AIG1: variants seen among roughly 807,000 people sequenced by gnomAD.
AIG1 encodes the protein androgen induced 1.
AIG1 carries 23 observed loss-of-function variants against 31.4 expected under a neutral mutation model. The observed-to-expected ratio is 0.73, with a 90% CI of 0.53 to 1.04. The LOEUF is 1.04. Ranked by LOEUF, AIG1 falls within the 50% of genes least tolerant of loss-of-function variation. AIG1 has a pLI of 0.00. For synonymous variants in AIG1, 100 were observed against 110.5 expected (o/e 0.90, Z 0.60); for missense variants, 274 against 295.0 (o/e 0.93, Z 0.52).
intron 2 of AIG1, among the ~76,000 whole-genome samples, chr6:143,154,486 G>A (rs915491564): frequency 6.6e-6 from 1 of 152,064 alleles, no homozygotes; most frequent in African/African-American, 2.4e-5. Flanking sequence ...GCCTCCCTGG[G>A]CGATAGAGTG....
rs559081008 is a variant in AIG1 at position 143,061,599 on chromosome 6, GT to G, written c.141+540del. 7.3e-3 allele frequency: 2,109 copies of G among 287,008 alleles called. 45 individuals carry two copies. The highest frequency in any genetic ancestry group is 0.042 in the African/African-American group (1,949 of 45,930). The allele number at this position is 287,008 out of a possible 1,614,324, so 17.8% of individuals were successfully genotyped here. ...TAATAAAGTTGTCTTCTTTGCATCT[GT>G]TTTTTTCCCCCATTGTCAATAATTT... On this transcript the variant is annotated intron_variant, in intron 1 of 5. Coordinates refer to ENST00000357847, the MANE Select transcript of AIG1 (RefSeq NM_016108.4).
chr6:143,129,818 G>A (rs1364936659), intron 1 of AIG1, among the ~76,000 whole-genome samples: 2 of 151,206 alleles, frequency 1.3e-5, no homozygotes, highest in African/African-American at 4.9e-5. Flanking sequence ...CTATTTTGAA[G>A]GTCTGATATT....
intron 4 of AIG1, among the ~76,000 whole-genome samples, chr6:143,296,222 A>C (rs1238630712): frequency 3.3e-5 from 5 of 152,150 alleles, no homozygotes; most frequent in Admixed American, 6.5e-5. Flanking sequence ...GATTCATTTA[A>C]ATTGCCAACT....
chr6:143,096,167 A>G (rs907050321), intron 1 of AIG1, among the ~76,000 whole-genome samples: 8 of 152,136 alleles, frequency 5.3e-5, no homozygotes, highest in African/African-American at 1.9e-4. Flanking sequence ...TGGCCTGCCA[A>G]AGTGCTGGGA....
intron 2 of AIG1, among the ~76,000 whole-genome samples, chr6:143,138,484 T>TTA (rs1467953179): frequency 6.6e-6 from 1 of 152,184 alleles, no homozygotes; most frequent in Non-Finnish European, 1.5e-5. Context: ...TGCATGTATA[T>TTA]TATATATATC....
At chr6:143,207,548 C>CT (rs1192416252) in intron 3 of AIG1, among the ~76,000 whole-genome samples, 43 of 150,114 alleles carry the variant, frequency 2.9e-4, no homozygotes, top group African/African-American at 9.6e-4. Context: ...ACACACACCC[C>CT]TACTCCTTCC....
chr6:143,157,707 C>T (rs1785933713), intron 2 of AIG1, among the ~76,000 whole-genome samples: 1 of 152,016 alleles, frequency 6.6e-6, no homozygotes, highest in South Asian at 2.1e-4. Context: ...AGTTCATTCA[C>T]CTTTATCCTC....
At chr6:143,226,658 T>C (rs1246955448) in intron 3 of AIG1, among the ~76,000 whole-genome samples, 1 of 152,212 alleles carries the variant, frequency 6.6e-6, no homozygotes, top group East Asian at 1.9e-4. Context: ...TGTGTGTTTT[T>C]GGAAGTGAAA....
intron 2 of AIG1, 124 bp from the exon 3 acceptor site, chr6:143,164,958 T>A: frequency 1.4e-6 from 1 of 695,340 alleles, no homozygotes; most frequent in South Asian, 1.9e-5. Context: ...TTAGCTGGTT[T>A]ACTGAGCTGT....
chr6:143,129,967 G>T, intron 1 of AIG1, among the ~76,000 whole-genome samples: 1 of 135,916 alleles, frequency 7.4e-6, no homozygotes, highest in African/African-American at 2.8e-5. Context: ...TGTCTCCCTT[G>T]GTCACCAGGC....
chr6:143,259,655 C>T (rs927068158), intron 3 of AIG1, among the ~76,000 whole-genome samples: 1 of 152,204 alleles, frequency 6.6e-6, no homozygotes, highest in Non-Finnish European at 1.5e-5. Flanking sequence ...TTTTCTCATT[C>T]CTTGCGTGCT....
Position 143,087,739 on chromosome 6 carries a change from C to T in AIG1, c.141+26673C>T, listed in dbSNP as rs144442879. Among the ~76,000 whole-genome samples the T allele has an allele frequency of 1.8e-3, 272 of 152,322 alleles. 1 individual carries two copies. Among genetic ancestry groups the T allele is most frequent in the African/African-American group, 6.4e-3 (265 of 41,570 alleles). On this transcript the variant is annotated intron_variant, in intron 1 of 5. Coordinates refer to ENST00000357847, the MANE Select transcript of AIG1 (RefSeq NM_016108.4). ...GGATAAATTCTTAAAGGCAGAATTG[C>T]TATACTGACATCTTTAAGAGAATAT...
rs1430825847 is a variant in AIG1, at chr6:143,256,850, T to A, written c.400-27260T>A. The stretch of plus-strand genomic sequence containing the variant: ...GAAGATACTTATTTTCTCTGACTCT[T>A]GTAAAAATGTCAGTAGGGTAAAAAT... On this transcript the variant is annotated intron_variant, in intron 3 of 5. Transcript: ENST00000357847. The surrounding 1 kb of genome is among the most constrained non-coding windows in gnomAD (Gnocchi z 4.6). Among the ~76,000 whole-genome samples, 2 of 152,232 alleles carry A rather than the reference T, an allele frequency of 1.3e-5. No individual in the cohort carries two copies. The highest frequency in any genetic ancestry group is 2.9e-5 in the Non-Finnish European group (2 of 68,042).
chr6:143,217,865 C>T (rs1167656379), intron 3 of AIG1, among the ~76,000 whole-genome samples: 1 of 152,224 alleles, frequency 6.6e-6, no homozygotes, highest in Non-Finnish European at 1.5e-5. Flanking sequence ...GATTACTGAT[C>T]ACGTGGTAGG....
At chr6:143,175,760 T>C (rs932163659) in intron 3 of AIG1, among the ~76,000 whole-genome samples, 13 of 152,380 alleles carry the variant, frequency 8.5e-5, no homozygotes, top group African/African-American at 3.1e-4. Context: ...TTCTCTGGTG[T>C]GTCCTTGATT....
At chr6:143,232,361 G>A (rs1793500113) in intron 3 of AIG1, among the ~76,000 whole-genome samples, 1 of 152,158 alleles carries the variant, frequency 6.6e-6, no homozygotes, top group South Asian at 2.1e-4. Context: ...TGGACACCCT[G>A]AGGCTCAGGC....
chr6:143,258,968 G>A lies in AIG1; in HGVS notation c.400-25142G>A, dbSNP rs1005924645. The stretch of plus-strand genomic sequence containing the variant: ...ATAGCAGAGGTCAACAGAGACCTTG[G>A]CAAAACCATTTCCAGCAGATGATGG... On this transcript the variant is annotated intron_variant, in intron 3 of 5. Transcript: ENST00000357847. The surrounding 1 kb of genome is among the most constrained non-coding windows in gnomAD (Gnocchi z 4.7). 6.6e-6 allele frequency among the ~76,000 whole-genome samples: 1 copy of A among 152,188 alleles called. No homozygotes were observed. Among genetic ancestry groups the A allele is most frequent in the Admixed American group, 6.5e-5 (1 of 15,282 alleles).
intron 4 of AIG1, among the ~76,000 whole-genome samples, chr6:143,300,979 G>C (rs527791165): frequency 4.5e-4 from 69 of 151,830 alleles, no homozygotes; most frequent in African/African-American, 1.6e-3. Context: ...TTTTTTTTGA[G>C]ACGGAGTCTC....
chr6:143,253,622 AG>A (rs1172822109), intron 3 of AIG1, among the ~76,000 whole-genome samples: 3 of 152,228 alleles, frequency 2.0e-5, no homozygotes, highest in Admixed American at 6.5e-5. Context: ...ATGGTCACCA[AG>A]GATGCATTTA....
Sources: allele counts gnomAD v4.1 joint callset (sites outside exome capture counted in the v4.1 genomes callset), GRCh38; gene constraint gnomAD v4.1.1; non-coding constraint Gnocchi (gnomAD v3.1); transcripts MANE v1.5; gene names NCBI Gene and HGNC (gene_info 2026-07-23, HGNC 2026-07-21).